Variants in RGS20 observed in about 807,000 individuals in gnomAD.
The protein encoded by RGS20 is gz-selective GTPase-activating protein.
In RGS20, 30 loss-of-function variants were observed where a neutral mutation model predicts 33.6. The observed-to-expected ratio is 0.89, with a 90% CI of 0.67 to 1.21. The LOEUF is 1.21. Among genes scored for constraint, RGS20 ranks in the 50% most tolerant of loss-of-function variants. The pLI is 0.00. For missense variants in RGS20, 472 were observed against 502.4 expected, an observed-to-expected ratio of 0.94 and a Z score of 0.58; for synonymous variants, 208 against 197.9, an observed-to-expected ratio of 1.05 and a Z score of -0.43.
At chr8:53,868,696 C>T (rs2129270820) in intron 1 of RGS20, among the ~76,000 whole-genome samples, 1 of 151,886 alleles carries the variant, frequency 6.6e-6, no homozygotes, top group South Asian at 2.1e-4. Context: ...TATAGATATA[C>T]TCACTGAATT....
chr8:53,931,415 C>T (rs966713474), intron 2 of RGS20, among the ~76,000 whole-genome samples: 3 of 152,052 alleles, frequency 2.0e-5, no homozygotes, highest in Non-Finnish European at 4.4e-5. Context: ...ATTAGCTGGG[C>T]GTGGTGGTGG....
intron 4 of RGS20, among the ~76,000 whole-genome samples, chr8:53,948,151 A>G (rs1814581259): frequency 7.5e-6 from 1 of 133,976 alleles, no homozygotes; most frequent in Admixed American, 7.9e-5. Flanking sequence ...ATGATATAGT[A>G]TATATATTTA....
At chr8:53,912,734 T>C (rs1436544888) in intron 2 of RGS20, among the ~76,000 whole-genome samples, 1 of 152,198 alleles carries the variant, frequency 6.6e-6, no homozygotes, top group Non-Finnish European at 1.5e-5. Flanking sequence ...CCATGATTTT[T>C]TAATTTATTA....
At chr8:53,932,588 C>T (rs1198438881) in intron 2 of RGS20, among the ~76,000 whole-genome samples, 3 of 152,188 alleles carry the variant, frequency 2.0e-5, no homozygotes, top group African/African-American at 7.2e-5. Context: ...GATTCCTTCT[C>T]TCTGGATAGG....
chr8:53,921,761 T>G (rs971958771), intron 2 of RGS20, among the ~76,000 whole-genome samples: 3 of 152,176 alleles, frequency 2.0e-5, no homozygotes, highest in Admixed American at 6.6e-5. Context: ...AGCTAAGGTT[T>G]GTCAATTTTG....
chr8:53,904,976 C>T (rs1308017980), intron 2 of RGS20, among the ~76,000 whole-genome samples: 1 of 152,154 alleles, frequency 6.6e-6, no homozygotes, highest in Non-Finnish European at 1.5e-5. Context: ...TTATTATAGT[C>T]TTAAAGCCTT....
At chr8:53,871,286 A>G (rs1276661407) in intron 1 of RGS20, among the ~76,000 whole-genome samples, 2 of 152,054 alleles carry the variant, frequency 1.3e-5, no homozygotes, top group Admixed American at 1.3e-4. Context: ...GTCAATCCTC[A>G]AATTTTGACC....
At position 53,896,770 on chromosome 8, in the gene RGS20, A is replaced by G. The variant is rs114098803; in HGVS notation, c.510+17168A>G. On this transcript the variant is annotated intron_variant, in intron 2 of 5. Coordinates refer to ENST00000297313, the MANE Select transcript of RGS20 (RefSeq NM_170587.4). ...CATATTAACAGGAAAACTTAGTAGC[A>G]ATTAACAAGCCCCAAAAGGACTAAT... is the stretch of plus-strand genomic sequence containing the variant. 1.5e-3 allele frequency among the ~76,000 whole-genome samples: 231 copies of G among 152,362 alleles called. 2 individuals are homozygous for G. Among genetic ancestry groups the G allele is most frequent in the African/African-American group, 5.4e-3 (226 of 41,590 alleles).
chr8:53,901,042 C>T (rs1813006475), intron 2 of RGS20, among the ~76,000 whole-genome samples: 4 of 151,766 alleles, frequency 2.6e-5, no homozygotes, highest in African/African-American at 2.4e-5. Context: ...AGCAACATGC[C>T]CTGGCCTTCA....
intron 2 of RGS20, among the ~76,000 whole-genome samples, chr8:53,900,612 T>C (rs1347150961): frequency 6.6e-6 from 1 of 152,194 alleles, no homozygotes; most frequent in Non-Finnish European, 1.5e-5. Context: ...CAGAGACCTT[T>C]CACATACATT....
chr8:53,940,601 C>A (rs1284979736), intron 3 of RGS20, among the ~76,000 whole-genome samples: 2 of 152,160 alleles, frequency 1.3e-5, no homozygotes, highest in African/African-American at 4.8e-5. Flanking sequence ...AAATGAAATG[C>A]CCGGGGAAGT....
chr8:53,953,605 C>T (rs1345470476), intron 4 of RGS20, among the ~76,000 whole-genome samples: 3 of 151,798 alleles, frequency 2.0e-5, no homozygotes, highest in African/African-American at 7.3e-5. Context: ...TACATATATT[C>T]TCTTTCTCAA....
intron 2 of RGS20, among the ~76,000 whole-genome samples, chr8:53,894,067 G>C (rs998128955): frequency 2.0e-5 from 3 of 152,040 alleles, no homozygotes; most frequent in Non-Finnish European, 4.4e-5. Flanking sequence ...TAATTAGGAG[G>C]CTACATATAG....
intron 2 of RGS20, among the ~76,000 whole-genome samples, chr8:53,927,659 A>G (rs1420536888): frequency 3.3e-5 from 5 of 152,244 alleles, no homozygotes; most frequent in Non-Finnish European, 7.3e-5. Flanking sequence ...CCCAAAGGAC[A>G]GTAAAATGAT....
intron 1 of RGS20, among the ~76,000 whole-genome samples, chr8:53,872,076 C>A (rs906136234): frequency 1.3e-5 from 2 of 152,154 alleles, no homozygotes; most frequent in Non-Finnish European, 1.5e-5. Flanking sequence ...TTCAGTAAGC[C>A]ATTCAACTGC....
rs566632011 is a variant in RGS20 at position 53,909,495 on chromosome 8, C to T, written c.510+29893C>T. Among the ~76,000 whole-genome samples the T allele has an allele frequency of 3.3e-5, 5 of 151,938 alleles. No individual in the cohort carries two copies. The South Asian group carries it at 1.0e-3, about 32-fold the overall frequency. On this transcript the variant is annotated intron_variant, in intron 2 of 5. Transcript: ENST00000297313. ...CAAACTCCTAGGCTGAAGTGATCCG[C>T]CCATGGCCTTGGTCTCCCAAAGTGC...
In RGS20 at chr8:53,923,477, C is replaced by A. The variant is rs550874611; in HGVS notation, c.511-16099C>A. Among the ~76,000 whole-genome samples the A allele has an allele frequency of 2.0e-5, 3 of 152,108 alleles. No homozygotes were observed. In the East Asian group the frequency reaches 5.8e-4, roughly 30 times the overall value. ...TGGCATGGTGGTGTGTGCCAGTAGT[C>A]CCAGCTACTTGGGGAGCTGAGGCAG... On this transcript the variant is annotated intron_variant, in intron 2 of 5. Coordinates refer to ENST00000297313, the MANE Select transcript of RGS20 (RefSeq NM_170587.4).
chr8:53,875,160 G>A (rs1812172117), intron 1 of RGS20, among the ~76,000 whole-genome samples: 1 of 152,120 alleles, frequency 6.6e-6, no homozygotes, highest in Non-Finnish European at 1.5e-5. Context: ...AGCAGGGCAT[G>A]GTGGCTCACA....
intron 2 of RGS20, 52 bp from the exon 1 acceptor site, chr8:53,880,820 A>C: frequency 7.4e-7 from 1 of 1,345,816 alleles, no homozygotes; most frequent in Non-Finnish European, 9.6e-7. Context: ...GAGGGAGGCG[A>C]GACGTGGGAT....
Sources: gnomAD v4.1 joint callset for allele counts (sites outside exome capture counted in the v4.1 genomes callset) on GRCh38, gnomAD v4.1.1 for gene constraint, MANE v1.5 for transcripts, NCBI Gene and HGNC (gene_info 2026-07-23, HGNC 2026-07-21) for gene names.